Variants in AKAP7 observed in about 807,000 individuals in gnomAD.
AKAP7 encodes A-kinase anchoring protein 7.
AKAP7 carries 39 observed loss-of-function variants against 39.5 expected under a neutral mutation model. That is an observed-to-expected ratio of 0.99 (90% CI 0.76 to 1.29). The LOEUF is 1.29. AKAP7 is among the 50% of genes most tolerant of loss of function. The probability of loss-of-function intolerance (pLI) is 0.00; values close to 1 mark genes in which losing one functional copy is unlikely to be tolerated. For missense variants in AKAP7, 414 were observed against 407.7 expected, an observed-to-expected ratio of 1.02 and a Z score of -0.13; for synonymous variants, 140 against 139.1, an observed-to-expected ratio of 1.01 and a Z score of -0.05.
intron 7 of AKAP7, among the ~76,000 whole-genome samples, chr6:131,232,525 C>T (rs1219984052): frequency 1.3e-5 from 2 of 152,122 alleles, no homozygotes; most frequent in African/African-American, 2.4e-5. Context: ...GCTTGACATA[C>T]AGTGTTATGA....
intron 4 of AKAP7, among the ~76,000 whole-genome samples, chr6:131,166,929 T>G (rs534931123): frequency 2.2e-4 from 33 of 151,130 alleles, no homozygotes; most frequent in Non-Finnish European, 3.7e-4. Flanking sequence ...GATCAGTGGA[T>G]TGGATATGGA....
chr6:131,228,332 T>TA (rs1810353561), intron 7 of AKAP7, among the ~76,000 whole-genome samples: 1 of 152,232 alleles, frequency 6.6e-6, no homozygotes, highest in African/African-American at 2.4e-5. Context: ...AAAATGTGTG[T>TA]ATTTCTTAAA....
In AKAP7 at chr6:131,199,532, A is replaced by G; in HGVS notation, c.661A>G (p.Thr221Ala). The change falls in exon 6 of 8, where the codon ACC (threonine) becomes GCC (alanine). Residue 221 changes from threonine (T) to alanine (A), a missense_variant. By Grantham distance (58) the Thr-to-Ala change is moderately conservative (BLOSUM62 0). Coordinates refer to ENST00000431975, the MANE Select transcript of AKAP7 (RefSeq NM_016377.4). ...GESRSFKPHL[T>A]FMKLSKSPWL... ...GAGCAGAAGTTTTAAACCTCATTTG[A>G]CCTTCATGAAGTTGTCAAAATCACC... 1.2e-6 allele frequency: 2 copies of G among 1,611,948 alleles called. No individual in the cohort carries two copies. The highest frequency in any genetic ancestry group is 1.7e-6 in the Non-Finnish European group (2 of 1,178,210).
intron 7 of AKAP7, among the ~76,000 whole-genome samples, chr6:131,275,473 A>G (rs1196531966): frequency 6.6e-6 from 1 of 152,186 alleles, no homozygotes; most frequent in Non-Finnish European, 1.5e-5. Context: ...TAAGATTTCC[A>G]GTAAGAAATG....
intron 3 of AKAP7, among the ~76,000 whole-genome samples, chr6:131,162,689 C>CT (rs1440424786): frequency 6.6e-6 from 1 of 152,196 alleles, no homozygotes; most frequent in Non-Finnish European, 1.5e-5. Context: ...CTCTTCTACC[C>CT]TTCCTTGGGC....
intron 2 of AKAP7, among the ~76,000 whole-genome samples, chr6:131,154,955 C>T (rs1044835605): frequency 6.6e-6 from 1 of 151,850 alleles, no homozygotes; most frequent in Admixed American, 6.6e-5. Context: ...TTCTAGTAAA[C>T]TGGTAGTTAG....
chr6:131,143,627 G>A (rs1801224821), intron 1 of AKAP7, among the ~76,000 whole-genome samples: 1 of 151,810 alleles, frequency 6.6e-6, no homozygotes, highest in African/African-American at 2.4e-5. Flanking sequence ...TACAACAGGG[G>A]TGTGTGTGTG....
At chr6:131,146,878 T>A (rs1404699943) in intron 2 of AKAP7, among the ~76,000 whole-genome samples, 2 of 152,202 alleles carry the variant, frequency 1.3e-5, no homozygotes, top group Non-Finnish European at 2.9e-5. Context: ...GTGCTGGACA[T>A]TGGGAATATT....
intron 7 of AKAP7, among the ~76,000 whole-genome samples, chr6:131,223,673 A>G (rs189811668): frequency 2.6e-5 from 4 of 152,228 alleles, no homozygotes; most frequent in East Asian, 1.9e-4. Flanking sequence ...AGCTTCCCCT[A>G]TCTTCTCTGC....
intron 2 of AKAP7, among the ~76,000 whole-genome samples, chr6:131,146,315 A>G (rs1462025086): frequency 1.3e-5 from 2 of 152,208 alleles, no homozygotes; most frequent in Non-Finnish European, 2.9e-5. Context: ...AAATATCCAA[A>G]TCTGTGTTTT....
chr6:131,197,162 G>A (rs1379100028), intron 5 of AKAP7, among the ~76,000 whole-genome samples: 3 of 151,668 alleles, frequency 2.0e-5, no homozygotes, highest in Non-Finnish European at 4.4e-5. Flanking sequence ...GTCTGTGTGT[G>A]TAATTCTAAT....
chr6:131,143,738 C>CT (rs768597844), intron 1 of AKAP7, among the ~76,000 whole-genome samples: 42 of 142,906 alleles, frequency 2.9e-4, no homozygotes, highest in Middle Eastern at 3.6e-3. Context: ...TAGCCATATT[C>CT]TTTTTTTTTT....
intron 7 of AKAP7, among the ~76,000 whole-genome samples, chr6:131,252,171 C>T (rs1281497097): frequency 6.6e-6 from 1 of 152,194 alleles, no homozygotes; most frequent in African/African-American, 2.4e-5. Flanking sequence ...GAACAGTCTT[C>T]TGTTTTACAT....
At chr6:131,226,428 C>G (rs190859515) in intron 7 of AKAP7, among the ~76,000 whole-genome samples, 3 of 152,338 alleles carry the variant, frequency 2.0e-5, no homozygotes, top group Admixed American at 2.0e-4. Context: ...TGGGCTATAA[C>G]TGTGCAAACC....
intron 7 of AKAP7, among the ~76,000 whole-genome samples, chr6:131,261,815 T>C (rs1023529499): frequency 3.5e-4 from 54 of 152,296 alleles, no homozygotes; most frequent in Middle Eastern, 3.4e-3. Context: ...GTTTGTATCA[T>C]TTAGAATCTA....
chr6:131,183,486 T>TA (rs1025171466), intron 5 of AKAP7, among the ~76,000 whole-genome samples: 3 of 151,966 alleles, frequency 2.0e-5, no homozygotes, highest in Non-Finnish European at 4.4e-5. Flanking sequence ...TTTGTTGTGT[T>TA]AAAAAAACAG....
chr6:131,164,536 T>C (rs1461570365), intron 3 of AKAP7: 1 of 402,406 alleles, frequency 2.5e-6, no homozygotes, highest in East Asian at 7.5e-5. Context: ...CCCACAGGTA[T>C]GGAAAAATGA....
chr6:131,147,860 A>C (rs752923401), intron 2 of AKAP7, among the ~76,000 whole-genome samples: 6 of 152,230 alleles, frequency 3.9e-5, no homozygotes, highest in Non-Finnish European at 8.8e-5. Flanking sequence ...CTTCTGATTT[A>C]TACATAGCTT....
chr6:131,142,874 C>T (rs1473402158), intron 1 of AKAP7, among the ~76,000 whole-genome samples: 1 of 152,252 alleles, frequency 6.6e-6, no homozygotes, highest in East Asian at 1.9e-4. Context: ...CCATGTCTTG[C>T]TCCAGTGTGC....
Sources: allele counts gnomAD v4.1 joint callset (sites outside exome capture counted in the v4.1 genomes callset), GRCh38; gene constraint gnomAD v4.1.1; transcripts MANE v1.5; gene names NCBI Gene and HGNC (gene_info 2026-07-23, HGNC 2026-07-21).